ALDH1L1: variants seen among roughly 807,000 people sequenced by gnomAD.
ALDH1L1 encodes cytosolic 10-formyltetrahydrofolate dehydrogenase.
A neutral mutation model predicts 101.1 loss-of-function variants in ALDH1L1; 68 were observed. The observed-to-expected ratio is 0.67, with a 90% CI of 0.55 to 0.82. The LOEUF is 0.82. Among genes scored for constraint, ALDH1L1 ranks in the 40% least tolerant of loss-of-function variants. ALDH1L1 has a pLI of 0.00. For synonymous variants in ALDH1L1, 486 were observed against 470.8 expected, an observed-to-expected ratio of 1.03 and a Z score of -0.42; for missense variants, 1,087 against 1,172.7, an observed-to-expected ratio of 0.93 and a Z score of 1.07.
At chr3:126,117,780 G>A (rs2080000449) in intron 17 of ALDH1L1, among the ~76,000 whole-genome samples, 1 of 152,198 alleles carries the variant, frequency 6.6e-6, no homozygotes, top group African/African-American at 2.4e-5. Flanking sequence ...TCTCGATCCA[G>A]CCCCTTGCTG....
rs746281548 is a variant in ALDH1L1, at chr3:126,135,439, C to T, written c.1472+96G>A. On this transcript the variant is annotated intron_variant, in intron 12 of 22. Coordinates refer to ENST00000393434, the MANE Select transcript of ALDH1L1 (RefSeq NM_012190.4). ...ATAGCCTCCCCAGGACCCAGCTCCTCCTGGCAGGTAAAAGGGCCTCCACAG... is the reference window on the plus strand; with the variant it reads ...ATAGCCTCCCCAGGACCCAGCTCCTTCTGGCAGGTAAAAGGGCCTCCACAG... The T allele has an allele frequency of 2.1e-5, 33 of 1,536,256 alleles. 1 individual carries two copies. The Admixed American group carries it at 6.0e-4, about 28-fold the overall frequency.
intron 1 of ALDH1L1, among the ~76,000 whole-genome samples, chr3:126,189,280 TA>T (rs1473466172): frequency 6.6e-6 from 1 of 152,140 alleles, no homozygotes; most frequent in African/African-American, 2.4e-5. Context: ...TCCTTCCAAG[TA>T]AAAAAGTAGG....
chr3:126,153,049 T>C, intron 7 of ALDH1L1: 1 of 321,040 alleles, frequency 3.1e-6, no homozygotes, highest in Non-Finnish European at 6.0e-6. Flanking sequence ...TTCAAAGAGA[T>C]GGGAGCTGAG....
chr3:126,147,718 T>C (rs1222586509), intron 8 of ALDH1L1, among the ~76,000 whole-genome samples: 1 of 151,978 alleles, frequency 6.6e-6, no homozygotes, highest in Non-Finnish European at 1.5e-5. Flanking sequence ...AGGTTGGGGG[T>C]GAGGCATGAG....
chr3:126,170,262 C>T (rs1176965062), intron 1 of ALDH1L1, among the ~76,000 whole-genome samples: 1 of 152,038 alleles, frequency 6.6e-6, no homozygotes, highest in Admixed American at 6.6e-5. Flanking sequence ...TGTACTCACT[C>T]TACTATTTGC....
intron 4 of ALDH1L1, among the ~76,000 whole-genome samples, chr3:126,157,043 G>A (rs576337670): frequency 6.6e-6 from 1 of 152,222 alleles, no homozygotes; most frequent in East Asian, 1.9e-4. Context: ...GATTCAGCAG[G>A]GTGTGACCCA....
chr3:126,136,310 T>C (rs929280910), intron 11 of ALDH1L1, among the ~76,000 whole-genome samples: 4 of 152,184 alleles, frequency 2.6e-5, no homozygotes, highest in Non-Finnish European at 5.9e-5. Context: ...TTCACGTGTG[T>C]ATCTACCATA....
intron 9 of ALDH1L1, among the ~76,000 whole-genome samples, chr3:126,139,942 AC>A (rs80334734): frequency 6.2e-5 from 8 of 128,786 alleles, no homozygotes; most frequent in South Asian, 5.0e-4. Flanking sequence ...CAACATACTC[AC>A]AGGAGCTCCA....
chr3:126,131,268 C>G, intron 13 of ALDH1L1, 116 bp downstream of exon 13: 1 of 1,301,940 alleles, frequency 7.7e-7, no homozygotes, highest in Non-Finnish European at 1.0e-6. Context: ...CATTCCAAGC[C>G]ACCAGTTGTG....
intron 1 of ALDH1L1, among the ~76,000 whole-genome samples, chr3:126,163,355 G>A (rs908763828): frequency 2.7e-5 from 4 of 150,734 alleles, no homozygotes; most frequent in African/African-American, 9.8e-5. Context: ...TAGATTCTTT[G>A]TGGTTTTCTA....
intron 1 of ALDH1L1, among the ~76,000 whole-genome samples, chr3:126,162,737 C>T (rs2081087058): frequency 6.6e-6 from 1 of 151,994 alleles, no homozygotes; most frequent in Non-Finnish European, 1.5e-5. Flanking sequence ...TTTAGTGGTT[C>T]TTGTATTCTA....
At chr3:126,163,136 C>G (rs2081095004) in intron 1 of ALDH1L1, among the ~76,000 whole-genome samples, 1 of 152,084 alleles carries the variant, frequency 6.6e-6, no homozygotes, top group Non-Finnish European at 1.5e-5. Flanking sequence ...TTTGTATTTT[C>G]CTATTGAATC....
At chr3:126,168,471 G>C (rs2081210600) in intron 1 of ALDH1L1, among the ~76,000 whole-genome samples, 1 of 152,056 alleles carries the variant, frequency 6.6e-6, no homozygotes, top group African/African-American at 2.4e-5. Flanking sequence ...AAATTTTCCT[G>C]TAATACAAAA....
At chr3:126,181,018 G>A, upstream of ALDH1L1, 1 of 1,597,960 alleles carries the variant, frequency 6.3e-7, no homozygotes, top group South Asian at 1.1e-5. Context: ...CCGGGAATTT[G>A]CAGCCGCTTG....
chr3:126,124,685 TCTC>T (rs1187183109), intron 15 of ALDH1L1, among the ~76,000 whole-genome samples: 1 of 152,076 alleles, frequency 6.6e-6, no homozygotes, highest in Non-Finnish European at 1.5e-5. Context: ...TGCCCTAGCT[TCTC>T]CTCCTGGCAG....
chr3:126,144,038 A>G (rs1008249980), intron 9 of ALDH1L1, among the ~76,000 whole-genome samples: 2 of 152,262 alleles, frequency 1.3e-5, no homozygotes, highest in Admixed American at 6.5e-5. Flanking sequence ...CAAAAATAAC[A>G]TGCAAAAAAA....
chr3:126,104,371 A>C (rs1290721517), intron 22 of ALDH1L1: 2 of 165,564 alleles, frequency 1.2e-5, no homozygotes, highest in Admixed American at 1.1e-4. Context: ...CAGGAGTGGC[A>C]CTGCCCCGTC....
Position 126,157,425 on chromosome 3 carries a change from T to G in ALDH1L1, c.446A>C (p.Gln149Pro), listed in dbSNP as rs2080935427. The change falls in exon 4 of 23, where the codon CAG becomes CCG. Residue 149 changes from glutamine (Q) to proline (P), a missense_variant. This residue lies in a region of ALDH1L1 where 645 missense variants were observed against 637.0 expected (regional missense o/e 1.01). Coordinates refer to ENST00000393434, the MANE Select transcript of ALDH1L1 (RefSeq NM_012190.4). ...DGLDTGDLLLQKECEVLPDDT... is the reference protein window; with the variant it reads ...DGLDTGDLLLPKECEVLPDDT... ...GTCCGGGAGCACCTCACACTCCTTC[T>G]GCAGCAGCAGGTCTCCGGTGTCCAG... 2 of 1,614,016 alleles carry G rather than the reference T, an allele frequency of 1.2e-6. No homozygotes were observed. Among genetic ancestry groups the G allele is most frequent in the Non-Finnish European group, 1.7e-6 (2 of 1,180,014 alleles).
In ALDH1L1 at chr3:126,146,834, C is replaced by T; in HGVS notation, c.1076+1G>A. The T allele has an allele frequency of 1.2e-6, 2 of 1,613,984 alleles. No homozygotes were observed. The highest frequency in any genetic ancestry group is 1.7e-6 in the Non-Finnish European group (2 of 1,179,908). On this transcript the variant is annotated splice_donor_variant, in intron 9 of 22. Transcript: ENST00000393434. LOFTEE classifies it high-confidence loss of function. ...CAGGACCCCTCCACTCCTGGCCTTACCTCACAACGTCCACAGACGCGGCCC... is the reference window on the plus strand; with the variant it reads ...CAGGACCCCTCCACTCCTGGCCTTATCTCACAACGTCCACAGACGCGGCCC...
Sources: gnomAD v4.1 joint callset for allele counts (sites outside exome capture counted in the v4.1 genomes callset) on GRCh38, gnomAD v4.1.1 for gene constraint, gnomAD v4.1.1 regional missense constraint, MANE v1.5 for transcripts, NCBI Gene and HGNC (gene_info 2026-07-23, HGNC 2026-07-21) for gene names.